Variants in IL1RAPL2 observed in about 807,000 individuals in gnomAD.
IL1RAPL2 encodes the protein X-linked interleukin-1 receptor accessory protein-like 2.
IL1RAPL2 carries 3 observed loss-of-function variants against 44.1 expected under a neutral mutation model. The ratio of observed to expected loss-of-function variants is 0.07; its 90% CI spans 0.03 to 0.18. The LOEUF is 0.18. IL1RAPL2 is among the 10% of genes least tolerant of loss of function. IL1RAPL2 has a pLI of 1.00. For missense variants in IL1RAPL2, 391 were observed against 496.4 expected (o/e 0.79, Z 2.02); for synonymous variants, 181 against 178.8 (o/e 1.01, Z -0.10).
intron 6 of IL1RAPL2, among the ~76,000 whole-genome samples, chrX:105,601,557 G>A (rs754986166): frequency 6.3e-5 from 7 of 111,358 alleles, no homozygotes; most frequent in African/African-American, 1.6e-4. Context: ...GCCTATTGCC[G>A]CTGTGGATGC....
At chrX:105,740,485 G>A in intron 7 of IL1RAPL2, 61 bp from the exon 8 acceptor site, 7 of 1,126,036 alleles carry the variant, frequency 6.2e-6, no homozygotes, top group Non-Finnish European at 8.5e-6. Flanking sequence ...CTGTAGTCTT[G>A]GCATGGCTGC....
chrX:105,079,273 G>C (rs1158557126), intron 2 of IL1RAPL2, among the ~76,000 whole-genome samples: 1 of 110,830 alleles, frequency 9.0e-6, no homozygotes, highest in Non-Finnish European at 1.9e-5. Flanking sequence ...ATTCCTCAAG[G>C]ATCTAGAACT....
chrX:105,611,862 CT>C (rs943422943), intron 6 of IL1RAPL2, among the ~76,000 whole-genome samples: 2 of 111,597 alleles, frequency 1.8e-5, no homozygotes, highest in Non-Finnish European at 3.8e-5. Flanking sequence ...AGCAGCTTTT[CT>C]TTTTTTATCA....
intron 2 of IL1RAPL2, among the ~76,000 whole-genome samples, chrX:105,074,654 T>C (rs2032263290): frequency 9.4e-6 from 1 of 106,237 alleles, no homozygotes; most frequent in African/African-American, 3.4e-5. Context: ...TTCACGATAT[T>C]GATTCTTCCT....
At chrX:104,609,499 A>T (rs1929098640) in intron 1 of IL1RAPL2, among the ~76,000 whole-genome samples, 1 of 112,156 alleles carries the variant, frequency 8.9e-6, no homozygotes, top group East Asian at 2.8e-4. Flanking sequence ...TCAAATGTAG[A>T]TTTGGTCTCT....
chrX:105,228,312 G>T (rs1286240343), intron 3 of IL1RAPL2, among the ~76,000 whole-genome samples: 1 of 111,925 alleles, frequency 8.9e-6, no homozygotes, highest in Non-Finnish European at 1.9e-5. Context: ...TAGGGCTTTT[G>T]ATTTTAGGTA....
At chrX:105,692,409 AT>A (rs1176159673) in intron 6 of IL1RAPL2, among the ~76,000 whole-genome samples, 2 of 111,685 alleles carry the variant, frequency 1.8e-5, no homozygotes, top group African/African-American at 6.5e-5. Context: ...TCTCACCTGT[AT>A]TTTAATAAGT....
chrX:105,391,944 A>G (rs1180938291), intron 5 of IL1RAPL2, among the ~76,000 whole-genome samples: 4 of 83,588 alleles, frequency 4.8e-5, no homozygotes, highest in East Asian at 4.1e-4. Context: ...GAATTGAACA[A>G]TGAGAACACA....
chrX:105,624,675 G>A (rs911621128), intron 6 of IL1RAPL2, among the ~76,000 whole-genome samples: 16 of 111,182 alleles, frequency 1.4e-4, no homozygotes, highest in East Asian at 1.1e-3. Context: ...TTATAGCCAC[G>A]TGCCGCCTTT....
intron 6 of IL1RAPL2, among the ~76,000 whole-genome samples, chrX:105,559,958 CT>C (rs1172153954): frequency 1.8e-5 from 2 of 111,838 alleles, no homozygotes; most frequent in African/African-American, 6.5e-5. Context: ...CAACTTTGCT[CT>C]CCATAGGGCT....
At chrX:105,759,419 CT>C (rs1430846094) in intron 10 of IL1RAPL2, among the ~76,000 whole-genome samples, 1 of 111,949 alleles carries the variant, frequency 8.9e-6, no homozygotes, top group Non-Finnish European at 1.9e-5. Flanking sequence ...TCAATTTCCC[CT>C]TCTATTTATA....
At chrX:104,586,319 A>T (rs186241641) in intron 1 of IL1RAPL2, among the ~76,000 whole-genome samples, 1 of 111,317 alleles carries the variant, frequency 9.0e-6, no homozygotes, top group East Asian at 2.8e-4. Context: ...AATTTGTTTA[A>T]TCCTTATAGA....
chrX:104,993,920 A>G (rs1429290358), intron 2 of IL1RAPL2, among the ~76,000 whole-genome samples: 1 of 112,034 alleles, frequency 8.9e-6, no homozygotes, highest in Non-Finnish European at 1.9e-5. Context: ...AGCTGAAATT[A>G]TCAGCTAAGA....
chrX:104,793,702 G>A (rs1347560849), intron 2 of IL1RAPL2, among the ~76,000 whole-genome samples: 1 of 111,554 alleles, frequency 9.0e-6, no homozygotes, highest in African/African-American at 3.3e-5. Context: ...GTGAATTGGA[G>A]TAGAGGTAAA....
chrX:105,675,817 T>C (rs1025756969), intron 6 of IL1RAPL2, among the ~76,000 whole-genome samples: 2 of 111,592 alleles, frequency 1.8e-5, no homozygotes, highest in African/African-American at 6.5e-5. Context: ...GTAAGCTATT[T>C]ATGATTGCTT....
intron 8 of IL1RAPL2, among the ~76,000 whole-genome samples, chrX:105,747,178 T>G (rs2038550263): frequency 9.1e-6 from 1 of 109,802 alleles, no homozygotes; most frequent in Non-Finnish European, 1.9e-5. Context: ...CATTGCTAAT[T>G]ATGTGGTGAA....
intron 2 of IL1RAPL2, among the ~76,000 whole-genome samples, chrX:104,959,341 G>A (rs374414417): frequency 3.6e-5 from 4 of 110,713 alleles, no homozygotes; most frequent in African/African-American, 1.3e-4. Context: ...AATACAAGTG[G>A]AGTTTGTGTG....
chrX:105,127,006 A>G (rs2032981802), intron 2 of IL1RAPL2, among the ~76,000 whole-genome samples: 1 of 111,341 alleles, frequency 9.0e-6, no homozygotes, highest in African/African-American at 3.2e-5. Flanking sequence ...ATCAATTACA[A>G]TATAGCAAAA....
chrX:105,545,452 G>T (rs1326823797), intron 6 of IL1RAPL2, among the ~76,000 whole-genome samples: 1 of 112,284 alleles, frequency 8.9e-6, no homozygotes, highest in Admixed American at 9.4e-5. Flanking sequence ...ACTAGTAAAC[G>T]GGAAGTAGCC....
Sources: gnomAD v4.1 joint callset for allele counts (sites outside exome capture counted in the v4.1 genomes callset) on GRCh38, gnomAD v4.1.1 for gene constraint, MANE v1.5 for transcripts, NCBI Gene and HGNC (gene_info 2026-07-23, HGNC 2026-07-21) for gene names.